Variants in IMMP2L observed in about 807,000 individuals in gnomAD.
IMMP2L encodes inner mitochondrial membrane peptidase subunit 2.
A neutral mutation model predicts 19.3 loss-of-function variants in IMMP2L; 18 were observed. That is an observed-to-expected ratio of 0.93 (90% CI 0.64 to 1.38). IMMP2L has a LOEUF of 1.38. Among genes scored for constraint, IMMP2L ranks in the 40% most tolerant of loss-of-function variants. The pLI is 0.00. For missense variants in IMMP2L, 233 were observed against 218.2 expected (o/e 1.07, Z -0.43); for synonymous variants, 76 against 73.0 (o/e 1.04, Z -0.21).
rs911049674 is a variant in IMMP2L at position 111,057,907 on chromosome 7, T to TTA, written c.240-94344_240-94343dup. ...AATTTCTTCAACTGTATGTATGGATTTATATATATATACATACCTGCACAT... is the reference window on the plus strand; with the variant it reads ...AATTTCTTCAACTGTATGTATGGATTTATATATATATATACATACCTGCACAT... On this transcript the variant is annotated intron_variant, in intron 3 of 5. Coordinates refer to ENST00000405709, the MANE Select transcript of IMMP2L (RefSeq NM_032549.4). 6.6e-5 allele frequency among the ~76,000 whole-genome samples: 10 copies of TTA among 151,990 alleles called. No homozygotes were observed. The South Asian group carries it at 8.3e-4, about 13-fold the overall frequency.
intron 3 of IMMP2L, among the ~76,000 whole-genome samples, chr7:111,171,838 T>C (rs1263502449): frequency 1.3e-5 from 2 of 151,230 alleles, no homozygotes; most frequent in Non-Finnish European, 1.5e-5. Flanking sequence ...TCTACATATA[T>C]GTAATATAAG....
chr7:111,089,098 T>A (rs557532775), intron 3 of IMMP2L, among the ~76,000 whole-genome samples: 8 of 152,300 alleles, frequency 5.3e-5, no homozygotes, highest in Admixed American at 1.3e-4. Context: ...GAGTGATCAT[T>A]TAGTTAAAAC....
intron 3 of IMMP2L, among the ~76,000 whole-genome samples, chr7:111,406,053 T>C (rs1306056783): frequency 6.6e-6 from 1 of 152,048 alleles, no homozygotes; most frequent in African/African-American, 2.4e-5. Context: ...CCAAATTCTA[T>C]CTTCAGTCCT....
intron 4 of IMMP2L, among the ~76,000 whole-genome samples, chr7:110,951,690 T>C (rs551872182): frequency 6.6e-6 from 1 of 152,122 alleles, no homozygotes; most frequent in East Asian, 1.9e-4. Flanking sequence ...CAGCTTTGTA[T>C]GGAACACAGC....
intron 3 of IMMP2L, among the ~76,000 whole-genome samples, chr7:111,271,629 T>C (rs1344592599): frequency 1.3e-5 from 2 of 152,108 alleles, no homozygotes; most frequent in African/African-American, 4.8e-5. Flanking sequence ...GTGATGCTGA[T>C]GTTGCTGGTC....
intron 3 of IMMP2L, among the ~76,000 whole-genome samples, chr7:111,179,301 T>C (rs989068169): frequency 1.1e-4 from 16 of 152,026 alleles, no homozygotes; most frequent in African/African-American, 3.6e-4. Context: ...GCCCACAGGC[T>C]GCATGCAGCC....
At chr7:110,834,293 T>G (rs532762455) in intron 5 of IMMP2L, among the ~76,000 whole-genome samples, 1 of 152,138 alleles carries the variant, frequency 6.6e-6, no homozygotes, top group Non-Finnish European at 1.5e-5. Flanking sequence ...CACAGCAGCC[T>G]GTCATGTAAG....
intron 3 of IMMP2L, among the ~76,000 whole-genome samples, chr7:111,085,635 G>C (rs1395625700): frequency 6.6e-6 from 1 of 152,022 alleles, no homozygotes; most frequent in African/African-American, 2.4e-5. Flanking sequence ...CTTTTTTTGA[G>C]AAGTGTCTGT....
chr7:110,843,997 T>C (rs961047143), intron 5 of IMMP2L, among the ~76,000 whole-genome samples: 2 of 152,096 alleles, frequency 1.3e-5, no homozygotes, highest in Non-Finnish European at 2.9e-5. Context: ...GTGCTAAGAC[T>C]TAGGATCTAA....
chr7:111,445,697 G>T (rs980028225), intron 3 of IMMP2L, among the ~76,000 whole-genome samples: 4 of 152,172 alleles, frequency 2.6e-5, no homozygotes, highest in Non-Finnish European at 5.9e-5. Flanking sequence ...ACAGGGAAGA[G>T]GAGGAGCCAA....
At chr7:111,054,946 T>C (rs923639775) in intron 3 of IMMP2L, among the ~76,000 whole-genome samples, 1 of 152,064 alleles carries the variant, frequency 6.6e-6, no homozygotes, top group Non-Finnish European at 1.5e-5. Context: ...AGCAATAAAT[T>C]AGGAAACAAA....
intron 3 of IMMP2L, among the ~76,000 whole-genome samples, chr7:111,130,181 C>T (rs573828422): frequency 7.7e-4 from 117 of 152,212 alleles, no homozygotes; most frequent in South Asian, 6.0e-3. Flanking sequence ...CATATACCAA[C>T]GAAGGGTGTA....
intron 5 of IMMP2L, among the ~76,000 whole-genome samples, chr7:110,849,637 T>A (rs1267072355): frequency 1.3e-5 from 2 of 152,040 alleles, no homozygotes; most frequent in East Asian, 3.9e-4. Flanking sequence ...AAAATTAGAA[T>A]AAGTGACAGA....
intron 5 of IMMP2L, among the ~76,000 whole-genome samples, chr7:110,681,382 G>A (rs1792705794): frequency 6.6e-6 from 1 of 152,064 alleles, no homozygotes; most frequent in Non-Finnish European, 1.5e-5. Flanking sequence ...GAAAAGTGAG[G>A]TCTTTCATTT....
chr7:111,360,735 T>C (rs961635545), intron 3 of IMMP2L, among the ~76,000 whole-genome samples: 1 of 152,030 alleles, frequency 6.6e-6, no homozygotes, highest in African/African-American at 2.4e-5. Flanking sequence ...GGAGAATCAC[T>C]TGAGCCCAGG....
intron 5 of IMMP2L, among the ~76,000 whole-genome samples, chr7:110,878,520 A>G (rs761403507): frequency 5.3e-5 from 8 of 151,500 alleles, no homozygotes; most frequent in Non-Finnish European, 8.8e-5. Flanking sequence ...ATTTACTTTT[A>G]AATTTTTACA....
intron 2 of IMMP2L, among the ~76,000 whole-genome samples, chr7:111,503,147 C>T (rs372750948): frequency 7.2e-5 from 11 of 152,008 alleles, no homozygotes; most frequent in South Asian, 2.1e-4. Context: ...ATATCACAAC[C>T]GATCCCACAG....
At chr7:111,129,441 A>G (rs941224065) in intron 3 of IMMP2L, among the ~76,000 whole-genome samples, 1 of 150,846 alleles carries the variant, frequency 6.6e-6, no homozygotes, top group Non-Finnish European at 1.5e-5. Flanking sequence ...TATTATTACC[A>G]TTATATATTA....
intron 5 of IMMP2L, among the ~76,000 whole-genome samples, chr7:110,664,507 GGGAGGACTTAAGGCTGAGCCCAAAGACA>G (rs1224722548): frequency 6.6e-6 from 1 of 152,078 alleles, no homozygotes; most frequent in Admixed American, 6.5e-5. Context: ...GGAGGTGAGG[GGGAGGACTTAAGGCTGAGCCCAAAGACA>G]GGAAGGGAGC....
Sources: gnomAD v4.1 joint callset for allele counts (sites outside exome capture counted in the v4.1 genomes callset) on GRCh38, gnomAD v4.1.1 for gene constraint, MANE v1.5 for transcripts, NCBI Gene and HGNC (gene_info 2026-07-23, HGNC 2026-07-21) for gene names.